Variants in BMP6 observed in about 807,000 individuals in gnomAD.
The protein encoded by BMP6 is bone morphogenetic protein 6, also known as VG-1-R.
In BMP6, 17 loss-of-function variants were observed where a neutral mutation model predicts 54.1. That is an observed-to-expected ratio of 0.31 (90% CI 0.22 to 0.47). The LOEUF is 0.47. Among genes scored for constraint, BMP6 ranks in the 20% least tolerant of loss-of-function variants. BMP6 has a pLI of 1.00. For missense variants in BMP6, 720 were observed against 690.4 expected (o/e 1.04, Z -0.48); for synonymous variants, 328 against 291.2 (o/e 1.13, Z -1.28).
chr6:7,746,409 C>T (rs77429442), intron 1 of BMP6, among the ~76,000 whole-genome samples: 1 of 152,134 alleles, frequency 6.6e-6, no homozygotes, highest in South Asian at 2.1e-4. Context: ...AAATGGGAGA[C>T]GAACTGGGGC....
chr6:7,813,108 A>AAAAAAAAAAATATATAT (rs1554122651), intron 1 of BMP6, among the ~76,000 whole-genome samples: 4 of 21,488 alleles, frequency 1.9e-4, no homozygotes, highest in Admixed American at 1.1e-3. Context: ...AAAAAAAAAA[A>AAAAAAAAAAATATATAT]ATATATATAT....
chr6:7,856,045 G>A (rs1759225898), intron 2 of BMP6, among the ~76,000 whole-genome samples: 1 of 142,866 alleles, frequency 7.0e-6, no homozygotes, highest in Admixed American at 7.5e-5. Context: ...ACAGAATCAA[G>A]GTGCATTTGA....
At chr6:7,853,992 G>A (rs535108129) in intron 2 of BMP6, among the ~76,000 whole-genome samples, 1 of 152,056 alleles carries the variant, frequency 6.6e-6, no homozygotes, top group African/African-American at 2.4e-5. Context: ...CAGGGTAGAA[G>A]AGAATGTTAT....
chr6:7,733,390 T>C (rs1010505263), intron 1 of BMP6, among the ~76,000 whole-genome samples: 7 of 152,214 alleles, frequency 4.6e-5, no homozygotes, highest in Admixed American at 3.9e-4. Flanking sequence ...TTCACTAGTT[T>C]TCATAAATAT....
intron 1 of BMP6, among the ~76,000 whole-genome samples, chr6:7,779,772 T>A (rs1315760142): frequency 6.6e-6 from 1 of 152,172 alleles, no homozygotes; most frequent in Non-Finnish European, 1.5e-5. Flanking sequence ...TTATTCTTAT[T>A]TTAGAGACAA....
intron 1 of BMP6, among the ~76,000 whole-genome samples, chr6:7,819,386 A>G (rs1323453629): frequency 2.0e-5 from 3 of 152,192 alleles, no homozygotes; most frequent in Admixed American, 2.0e-4. Context: ...TTGCTGGCTG[A>G]AGTTCATCCA....
intron 1 of BMP6, among the ~76,000 whole-genome samples, chr6:7,755,318 A>G (rs1188202619): frequency 6.6e-6 from 1 of 151,514 alleles, no homozygotes; most frequent in Non-Finnish European, 1.5e-5. Context: ...TTTTATTTCC[A>G]CTACTGGTTT....
intron 1 of BMP6, among the ~76,000 whole-genome samples, chr6:7,732,010 A>C (rs1761868109): frequency 6.6e-6 from 1 of 152,222 alleles, no homozygotes; most frequent in African/African-American, 2.4e-5. Context: ...TGTGCTAAAA[A>C]TACTGGCAAT....
chr6:7,806,248 A>G (rs577268084), intron 1 of BMP6, among the ~76,000 whole-genome samples: 2 of 152,330 alleles, frequency 1.3e-5, no homozygotes, highest in South Asian at 2.1e-4. Flanking sequence ...GGTGACACAT[A>G]CATTGTGATC....
intron 2 of BMP6, among the ~76,000 whole-genome samples, chr6:7,860,979 G>A (rs1759323598): frequency 6.6e-6 from 1 of 151,656 alleles, no homozygotes; most frequent in East Asian, 1.9e-4. Flanking sequence ...CATAAAGTAA[G>A]CTAGTCACTA....
intron 2 of BMP6, among the ~76,000 whole-genome samples, chr6:7,855,559 T>C (rs1004340396): frequency 2.9e-5 from 4 of 137,294 alleles, no homozygotes; most frequent in East Asian, 2.1e-4. Context: ...CTCTCTTTTT[T>C]TTTTTTTTTT....
rs1445316129 is a variant in BMP6 at position 7,726,377 on chromosome 6, C to T, written c.-579C>T. On this transcript the variant is annotated 5_prime_UTR_variant, in exon 1 of 7. Coordinates refer to ENST00000283147, the MANE Select transcript of BMP6 (RefSeq NM_001718.6). ...TTCGTGAGCGAGAAGGAAGTTAAAC[C>T]TCGCGGAATAGACTGGCATTTCGGG... 6.6e-6 allele frequency among the ~76,000 whole-genome samples: 1 copy of T among 152,228 alleles called. No homozygotes were observed. The highest frequency in any genetic ancestry group is 2.4e-5 in the African/African-American group (1 of 41,466).
At position 7,880,126 on chromosome 6, in the gene BMP6, G is replaced by C; in HGVS notation, c.1392+25G>C. Reference sequence around the variant, plus strand: ...GGTGAGCTCTCGGAGACTTTGTTTTGTAAGTGGGAGTAAGCCAAGACCAGG... The same window carrying C: ...GGTGAGCTCTCGGAGACTTTGTTTTCTAAGTGGGAGTAAGCCAAGACCAGG... On this transcript the variant is annotated intron_variant, in intron 6 of 6. Transcript: ENST00000283147. The C allele has an allele frequency of 1.9e-6, 3 of 1,613,998 alleles. No homozygotes were observed. In the South Asian group the frequency reaches 3.3e-5, roughly 18 times the overall value.
intron 1 of BMP6, among the ~76,000 whole-genome samples, chr6:7,744,222 C>CA (rs1219021408): frequency 2.6e-5 from 4 of 152,106 alleles, no homozygotes; most frequent in African/African-American, 9.7e-5. Flanking sequence ...CACGGTTGCT[C>CA]ACGCTTGTAA....
chr6:7,757,712 C>T (rs901149810), intron 1 of BMP6, among the ~76,000 whole-genome samples: 1 of 152,192 alleles, frequency 6.6e-6, no homozygotes, highest in African/African-American at 2.4e-5. Flanking sequence ...CTGCCTGCAT[C>T]ATTTCCAGAC....
At position 7,850,174 on chromosome 6, in the gene BMP6, G is replaced by C. The variant is rs181062911; in HGVS notation, c.857+4842G>C. On this transcript the variant is annotated intron_variant, in intron 2 of 6. Coordinates refer to ENST00000283147, the MANE Select transcript of BMP6 (RefSeq NM_001718.6). ...TTGTTCGTTTTTGAGGCAGAGTCTC[G>C]CTCTGTTGCCCATGCTGGAGTGCAG... Among the ~76,000 whole-genome samples the C allele has an allele frequency of 2.8e-3, 428 of 152,070 alleles. 4 individuals carry two copies. Among genetic ancestry groups the C allele is most frequent in the African/African-American group, 9.9e-3 (410 of 41,492 alleles).
intron 2 of BMP6, among the ~76,000 whole-genome samples, chr6:7,856,996 C>T (rs769376942): frequency 2.0e-5 from 3 of 152,148 alleles, no homozygotes; most frequent in Non-Finnish European, 2.9e-5. Context: ...AGGAAAGGGT[C>T]GAAGCCTGTC....
chr6:7,874,794 T>G (rs1759579833), intron 4 of BMP6, among the ~76,000 whole-genome samples: 2 of 140,578 alleles, frequency 1.4e-5, no homozygotes, highest in Admixed American at 1.5e-4. Context: ...CAGACAAGCT[T>G]GTCAACGCTA....
chr6:7,781,330 T>TGAAACATGGGG (rs1554120497), intron 1 of BMP6, among the ~76,000 whole-genome samples: 8 of 152,024 alleles, frequency 5.3e-5, no homozygotes, highest in Non-Finnish European at 8.8e-5. Flanking sequence ...CCATGCTCGT[T>TGAAACATGGGG]CATACGTACC....
Sources: gnomAD v4.1 joint callset for allele counts (sites outside exome capture counted in the v4.1 genomes callset) on GRCh38, gnomAD v4.1.1 for gene constraint, MANE v1.5 for transcripts, NCBI Gene and HGNC (gene_info 2026-07-23, HGNC 2026-07-21) for gene names.